ACOXL: variants seen among roughly 807,000 people sequenced by gnomAD.
ACOXL encodes acyl-coenzyme A oxidase-like protein.
Under a neutral mutation model 71.9 loss-of-function variants are expected in ACOXL, and 70 were observed. The ratio of observed to expected loss-of-function variants is 0.97; its 90% confidence interval spans 0.80 to 1.19. The LOEUF (loss-of-function observed/expected upper bound fraction) is 1.19, where lower values mean the gene tolerates loss of function less well. Among genes scored for constraint, ACOXL ranks in the 50% most tolerant of loss-of-function variants. The probability of loss-of-function intolerance (pLI) is 0.00; values close to 1 mark genes in which losing one functional copy is unlikely to be tolerated. For missense variants in ACOXL, 703 were observed against 736.3 expected (o/e 0.95, Z 0.52); for synonymous variants, 253 against 281.6 (o/e 0.90, Z 1.02).
At chr2:110,783,741 G>A (rs928875199) in intron 2 of ACOXL, among the ~76,000 whole-genome samples, 1 of 152,128 alleles carries the variant, frequency 6.6e-6, no homozygotes, top group Non-Finnish European at 1.5e-5. Flanking sequence ...ACATACACAT[G>A]GGTAACAAGC....
chr2:110,902,738 A>G (rs923156812), intron 10 of ACOXL, among the ~76,000 whole-genome samples: 1 of 152,192 alleles, frequency 6.6e-6, no homozygotes, highest in Non-Finnish European at 1.5e-5. Flanking sequence ...ACTTTGTAAA[A>G]TATTTGCCCT....
In ACOXL at chr2:110,736,699, A is replaced by G. The variant is rs1676894670; in HGVS notation, c.-23+3925A>G. Among the ~76,000 whole-genome samples, 4 of 150,820 alleles carry G rather than the reference A, an allele frequency of 2.7e-5. No individual in the cohort carries two copies. In the South Asian group the frequency reaches 8.4e-4, roughly 32 times the overall value. On this transcript the variant is annotated intron_variant, in intron 1 of 17. Coordinates refer to ENST00000439055, the MANE Select transcript of ACOXL (RefSeq NM_001142807.4). Reference sequence around the variant, plus strand: ...CAGTGGTGCAATCTCGGCTCACTGCAAGCCCCGCCTCCCGGGCTCACGCCA... The same window carrying G: ...CAGTGGTGCAATCTCGGCTCACTGCGAGCCCCGCCTCCCGGGCTCACGCCA...
chr2:110,899,354 G>T (rs1421734805), intron 10 of ACOXL, among the ~76,000 whole-genome samples: 1 of 152,218 alleles, frequency 6.6e-6, no homozygotes, highest in East Asian at 1.9e-4. Context: ...GAATGTTGGG[G>T]TTCTGCATTT....
In ACOXL at chr2:111,092,858, C is replaced by A; in HGVS notation, c.1441-7C>A. On this transcript the variant is annotated splice_polypyrimidine_tract_variant and splice_region_variant and intron_variant, in intron 16 of 17. Transcript: ENST00000439055. ...GTCCATTTCTTTTGTTTTCCCCCAC[C>A]CCTTAGTTTTGTCTGTTGTATGGAA... 1.2e-6 allele frequency: 2 copies of A among 1,606,394 alleles called. No homozygotes were observed. Among genetic ancestry groups the A allele is most frequent in the Non-Finnish European group, 1.7e-6 (2 of 1,174,188 alleles).
At chr2:110,920,417 G>T (rs1414954536) in intron 11 of ACOXL, among the ~76,000 whole-genome samples, 1 of 152,096 alleles carries the variant, frequency 6.6e-6, no homozygotes, top group African/African-American at 2.4e-5. Context: ...CAGTTTTTCA[G>T]TTGAGTTGTT....
rs1553562227 is a variant in ACOXL at position 110,846,641 on chromosome 2, G to GCACGCACACACACACACACA, written c.788+5239_788+5240insGCACACACACACACACACAC. ...TGTGAGCATGCAAGTATGCATACAC[G>GCACGCACACACACACACACA]CACACACACACACACACACACACAC... On this transcript the variant is annotated intron_variant, in intron 10 of 17. Transcript: ENST00000439055. Among the ~76,000 whole-genome samples the GCACGCACACACACACACACA allele has an allele frequency of 1.3e-4, 18 of 138,032 alleles. No individual in the cohort carries two copies. The South Asian group carries it at 4.1e-3, about 32-fold the overall frequency. 90.6% of individuals were successfully genotyped at this position (138,032 alleles called of 152,430 possible). A position where few individuals can be genotyped will look rare whatever the true frequency, so the allele number is the denominator to read the frequency against.
intron 9 of ACOXL, among the ~76,000 whole-genome samples, chr2:110,812,810 T>C (rs1687498095): frequency 6.6e-6 from 1 of 152,224 alleles, no homozygotes; most frequent in South Asian, 2.1e-4. Context: ...CTCAGCACTG[T>C]GAATCGTGCT....
chr2:110,972,126 A>T (rs2149490050), intron 12 of ACOXL, among the ~76,000 whole-genome samples: 1 of 152,322 alleles, frequency 6.6e-6, no homozygotes, highest in South Asian at 2.1e-4. Flanking sequence ...GGAGCATGGA[A>T]AATGAAATGA....
intron 12 of ACOXL, among the ~76,000 whole-genome samples, chr2:110,963,199 G>T (rs1200798529): frequency 2.0e-5 from 3 of 152,078 alleles, no homozygotes; most frequent in Non-Finnish European, 2.9e-5. Context: ...GAGGAGTTTT[G>T]TAGGTATACA....
intron 1 of ACOXL, among the ~76,000 whole-genome samples, chr2:110,750,843 C>T (rs1249719100): frequency 6.6e-6 from 1 of 151,686 alleles, no homozygotes; most frequent in African/African-American, 2.4e-5. Context: ...ACTACAGGTG[C>T]CCCACTAATT....
intron 12 of ACOXL, among the ~76,000 whole-genome samples, chr2:110,962,278 CG>C (rs2061728876): frequency 6.6e-6 from 1 of 152,220 alleles, no homozygotes; most frequent in Non-Finnish European, 1.5e-5. Flanking sequence ...AATCACTCTG[CG>C]GCAGGACCGC....
chr2:110,759,723 G>C (rs1680145128), intron 1 of ACOXL, among the ~76,000 whole-genome samples: 1 of 151,938 alleles, frequency 6.6e-6, no homozygotes, highest in African/African-American at 2.4e-5. Context: ...TTTTATATTT[G>C]AATTTTAAAA....
At chr2:110,878,681 C>G (rs1265356303) in intron 10 of ACOXL, among the ~76,000 whole-genome samples, 1 of 151,936 alleles carries the variant, frequency 6.6e-6, no homozygotes, top group South Asian at 2.1e-4. Flanking sequence ...AGGAGAATCC[C>G]TTGAACCTGG....
At chr2:111,006,859 G>A (rs1490907348) in intron 14 of ACOXL, among the ~76,000 whole-genome samples, 1 of 151,924 alleles carries the variant, frequency 6.6e-6, no homozygotes, top group Non-Finnish European at 1.5e-5. Context: ...GCACCCGGCT[G>A]TCTTTCTCTC....
chr2:111,017,443 T>A (rs2064511447), intron 14 of ACOXL, among the ~76,000 whole-genome samples: 1 of 152,244 alleles, frequency 6.6e-6, no homozygotes, highest in African/African-American at 2.4e-5. Flanking sequence ...TGGCAGCAGC[T>A]TCCTGCCTCC....
chr2:111,052,744 C>T (rs375284677), intron 16 of ACOXL, among the ~76,000 whole-genome samples: 18 of 152,136 alleles, frequency 1.2e-4, no homozygotes, highest in African/African-American at 4.1e-4. Context: ...CCTTGGAGAG[C>T]CCATTTGCCC....
chr2:110,830,737 G>C (rs1689727259), intron 9 of ACOXL, among the ~76,000 whole-genome samples: 1 of 152,066 alleles, frequency 6.6e-6, no homozygotes. Flanking sequence ...GTTTCACTCT[G>C]TTAGCCAGGA....
Position 110,798,666 on chromosome 2 carries a change from C to T in ACOXL, c.402C>T (p.Ala134=), listed in dbSNP as rs187576230. The part of the protein sequence containing the change: ...ENAEKMYIGN[A]MYGNYAAVFA... ...CGGAGAAGATGTATATTGGAAATGC[C>T]ATGTACGGGAATTATGCAGCTGTCT... The change falls in exon 6 of 18, where the codon GCC becomes GCT. Residue 134 remains alanine, a synonymous_variant. Transcript: ENST00000439055. The T allele has an allele frequency of 1.2e-6, 2 of 1,614,090 alleles. No individual in the cohort carries two copies. Among genetic ancestry groups the T allele is most frequent in the Non-Finnish European group, 1.7e-6 (2 of 1,180,016 alleles).
At chr2:110,968,360 G>A in intron 12 of ACOXL, 1 of 1,146,358 alleles carries the variant, frequency 8.7e-7, no homozygotes. Flanking sequence ...GTCTCTCATA[G>A]TACCAGATGA....
Sources: allele counts gnomAD v4.1 joint callset (sites outside exome capture counted in the v4.1 genomes callset), GRCh38; gene constraint gnomAD v4.1.1; transcripts MANE v1.5; gene names NCBI Gene and HGNC (gene_info 2026-07-23, HGNC 2026-07-21).